Variants in CADPS2 observed in about 807,000 individuals in gnomAD.
CADPS2 encodes calcium-dependent secretion activator 2.
A neutral mutation model predicts 172.5 loss-of-function variants in CADPS2; 93 were observed. That is an observed-to-expected ratio of 0.54 (90% confidence interval 0.46 to 0.64). The LOEUF is 0.64. Among genes scored for constraint, CADPS2 ranks in the 30% least tolerant of loss-of-function variants. The pLI, the probability that CADPS2 is intolerant of heterozygous loss-of-function variation, is 0.00. For missense variants in CADPS2, 1,420 were observed against 1,565.9 expected, an observed-to-expected ratio of 0.91 and a Z score of 1.57; for synonymous variants, 546 against 555.2, an observed-to-expected ratio of 0.98 and a Z score of 0.23.
chr7:122,444,151 G>A (rs2051788895), intron 15 of CADPS2, among the ~76,000 whole-genome samples: 1 of 152,122 alleles, frequency 6.6e-6, no homozygotes, highest in South Asian at 2.1e-4. Flanking sequence ...TATATCAAGA[G>A]TTCATTCCTT....
In CADPS2 at chr7:122,474,511, T is replaced by A. The variant is rs1469853358; in HGVS notation, c.1868A>T (p.Asp623Val). Residue 623 changes from aspartate (D) to valine (V), a missense_variant, in exon 13 of 30, where the codon GAT (aspartate) becomes GTT (valine). Transcript: ENST00000449022. ...ADAQLSGKDADRFQKHGMDEF... is the reference protein window; with the variant it reads ...ADAQLSGKDAVRFQKHGMDEF... ...ATCCATACCATGTTTCTGAAAACGA[T>A]CTGCATCTGTAAATTCAGGAAAGCA... is the stretch of plus-strand genomic sequence containing the variant. The A allele has an allele frequency of 1.9e-6, 3 of 1,612,442 alleles. No individual in the cohort carries two copies. The African/African-American group carries it at 4.0e-5, about 22-fold the overall frequency.
At chr7:122,568,650 A>C (rs2066785982) in intron 7 of CADPS2, among the ~76,000 whole-genome samples, 1 of 152,134 alleles carries the variant, frequency 6.6e-6, no homozygotes, top group African/African-American at 2.4e-5. Flanking sequence ...TTCAAATAAA[A>C]ACTTTGATCT....
chr7:122,471,560 TCCCTG>T lies in CADPS2; in HGVS notation c.1999-3_2000del, dbSNP rs1474615789. ...CAAAGACTTGGCCAGGGCTAAACCA[TCCCTG>T]CAAAATAAAAAAAGAATAGATATAC... On this transcript the variant is annotated splice_acceptor_variant and splice_polypyrimidine_tract_variant and coding_sequence_variant and intron_variant, in exon 14 of 30. Coordinates refer to ENST00000449022, the MANE Select transcript of CADPS2 (RefSeq NM_017954.11). LOFTEE classifies it high-confidence loss of function. 4 of 1,572,416 alleles carry T rather than the reference TCCCTG, an allele frequency of 2.5e-6. No individual in the cohort carries two copies. The Admixed American group carries it at 5.8e-5, about 23-fold the overall frequency.
chr7:122,859,022 C>G (rs1342216150), intron 1 of CADPS2, among the ~76,000 whole-genome samples: 1 of 152,164 alleles, frequency 6.6e-6, no homozygotes, highest in Non-Finnish European at 1.5e-5. Context: ...AATTAGGTAA[C>G]TTCTGTCAGA....
chr7:122,665,388 G>A (rs1340584837), intron 2 of CADPS2, among the ~76,000 whole-genome samples: 1 of 151,992 alleles, frequency 6.6e-6, no homozygotes, highest in Non-Finnish European at 1.5e-5. Flanking sequence ...CAAATATTTC[G>A]GCTGACAGAC....
chr7:122,676,810 G>A (rs189156689), intron 2 of CADPS2: 22 of 778,320 alleles, frequency 2.8e-5, no homozygotes, highest in Middle Eastern at 2.5e-4. Flanking sequence ...ACAAGATTCC[G>A]AACTCACTGT....
chr7:122,606,282 A>C (rs994292793), intron 6 of CADPS2, among the ~76,000 whole-genome samples: 2 of 152,154 alleles, frequency 1.3e-5, no homozygotes, highest in Admixed American at 1.3e-4. Flanking sequence ...ATGACTGTGA[A>C]AGGCAGGCTG....
At chr7:122,794,657 AT>A (rs1254845298) in intron 1 of CADPS2, among the ~76,000 whole-genome samples, 2 of 151,954 alleles carry the variant, frequency 1.3e-5, no homozygotes, top group African/African-American at 4.8e-5. Context: ...AAACAACACA[AT>A]ATACATTGTT....
chr7:122,418,574 A>G (rs970790932), intron 17 of CADPS2, among the ~76,000 whole-genome samples: 1 of 152,200 alleles, frequency 6.6e-6, no homozygotes, highest in Non-Finnish European at 1.5e-5. Context: ...AAAGTGTCTG[A>G]TATGGATCCT....
chr7:122,852,337 CAGG>C (rs760738632), intron 1 of CADPS2, among the ~76,000 whole-genome samples: 6 of 152,152 alleles, frequency 3.9e-5, no homozygotes, highest in African/African-American at 1.2e-4. Context: ...ACAAAACTGA[CAGG>C]AGAATTTTTA....
intron 1 of CADPS2, among the ~76,000 whole-genome samples, chr7:122,817,609 C>A (rs1801857774): frequency 1.3e-5 from 2 of 152,184 alleles, no homozygotes. Flanking sequence ...TGCCTTGGTC[C>A]TTCACCCTTA....
intron 2 of CADPS2, among the ~76,000 whole-genome samples, chr7:122,720,700 A>G (rs2090288494): frequency 6.6e-6 from 1 of 151,960 alleles, no homozygotes; most frequent in African/African-American, 2.4e-5. Context: ...ACCCCTAAAA[A>G]GGATATACCT....
At chr7:122,534,123 G>A (rs2062017415) in intron 8 of CADPS2, among the ~76,000 whole-genome samples, 1 of 152,066 alleles carries the variant, frequency 6.6e-6, no homozygotes, top group South Asian at 2.1e-4. Flanking sequence ...TGATTTAGGA[G>A]TCTGAACATT....
intron 17 of CADPS2, among the ~76,000 whole-genome samples, chr7:122,418,308 T>C (rs913772645): frequency 2.6e-5 from 4 of 152,208 alleles, no homozygotes; most frequent in African/African-American, 7.2e-5. Context: ...TAAGGAAACA[T>C]GCTCAAAAAG....
chr7:122,323,871 TTTTA>T (rs1450907552), intron 29 of CADPS2, among the ~76,000 whole-genome samples: 36 of 117,122 alleles, frequency 3.1e-4, no homozygotes, highest in Non-Finnish European at 3.7e-4. Flanking sequence ...CATATGTATA[TTTTA>T]TATATATATA....
intron 28 of CADPS2, among the ~76,000 whole-genome samples, chr7:122,331,630 C>T (rs1373540865): frequency 6.6e-6 from 1 of 150,918 alleles, no homozygotes; most frequent in African/African-American, 2.4e-5. Context: ...TACAAGGAGA[C>T]TCTGTCTCAA....
intron 2 of CADPS2, chr7:122,681,229 G>A: frequency 1.4e-6 from 1 of 696,070 alleles, no homozygotes; most frequent in Non-Finnish European, 2.6e-6. Context: ...GTATACATAT[G>A]TAATGAACCT....
chr7:122,557,109 C>T (rs1057125495), intron 7 of CADPS2, among the ~76,000 whole-genome samples: 7 of 152,196 alleles, frequency 4.6e-5, no homozygotes, highest in Admixed American at 6.5e-5. Context: ...TCCACAGATA[C>T]GAAATCTTCT....
intron 8 of CADPS2, among the ~76,000 whole-genome samples, chr7:122,529,565 C>G (rs1394252128): frequency 6.6e-6 from 1 of 151,948 alleles, no homozygotes; most frequent in East Asian, 1.9e-4. Flanking sequence ...CTGGATTTTT[C>G]TTAATGAGTA....
Sources: allele counts gnomAD v4.1 joint callset (sites outside exome capture counted in the v4.1 genomes callset), GRCh38; gene constraint gnomAD v4.1.1; transcripts MANE v1.5; gene names NCBI Gene and HGNC (gene_info 2026-07-23, HGNC 2026-07-21).